MTIF2: variants seen among roughly 807,000 people sequenced by gnomAD.
MTIF2 encodes mitochondrial translational initiation factor 2.
A neutral mutation model predicts 83.5 loss-of-function variants in MTIF2; 71 were observed. That is an observed-to-expected ratio of 0.85 (90% CI 0.70 to 1.04). The LOEUF is 1.04. Among genes scored for constraint, MTIF2 ranks in the 50% least tolerant of loss-of-function variants. The pLI is 0.00. For missense variants in MTIF2, 957 were observed against 846.5 expected (o/e 1.13, Z -1.62); for synonymous variants, 319 against 287.1 (o/e 1.11, Z -1.12).
intron 14 of MTIF2, among the ~76,000 whole-genome samples, chr2:55,239,184 T>G (rs1259049988): frequency 6.6e-6 from 1 of 152,236 alleles, no homozygotes; most frequent in Non-Finnish European, 1.5e-5. Flanking sequence ...AATGTGAATA[T>G]GGACTGTGTA....
intron 5 of MTIF2, among the ~76,000 whole-genome samples, chr2:55,258,406 C>A (rs1225227806): frequency 1.3e-5 from 2 of 152,204 alleles, no homozygotes; most frequent in African/African-American, 2.4e-5. Context: ...TAGTGGCTCA[C>A]ACCTGTAATC....
At chr2:55,254,409 G>C (rs952014991) in intron 6 of MTIF2, among the ~76,000 whole-genome samples, 40 of 152,202 alleles carry the variant, frequency 2.6e-4, no homozygotes, top group African/African-American at 9.2e-4. Flanking sequence ...ATAACAATGA[G>C]CAGAACTGAA....
chr2:55,267,039 G>C (rs559239924), intron 3 of MTIF2, among the ~76,000 whole-genome samples: 2 of 151,972 alleles, frequency 1.3e-5, no homozygotes, highest in Admixed American at 1.3e-4. Context: ...CAAAGTGCTG[G>C]GATTACAGGC....
intron 5 of MTIF2, among the ~76,000 whole-genome samples, chr2:55,257,892 C>T (rs1677667565): frequency 6.6e-6 from 1 of 152,106 alleles, no homozygotes; most frequent in Admixed American, 6.5e-5. Context: ...GCCTCCCAGG[C>T]AGTCCTCCCA....
At chr2:55,265,209 C>G (rs930407337) in intron 3 of MTIF2, among the ~76,000 whole-genome samples, 2 of 149,594 alleles carry the variant, frequency 1.3e-5, no homozygotes, top group African/African-American at 4.9e-5. Flanking sequence ...TGCCATTGCA[C>G]TCTAGCCTGG....
intron 15 of MTIF2, 116 bp downstream of exon 15, chr2:55,237,172 G>C: frequency 2.5e-6 from 3 of 1,200,948 alleles, no homozygotes; most frequent in Non-Finnish European, 3.5e-6. Context: ...ATAGCAATAA[G>C]AAATGGCCTG....
intron 7 of MTIF2, among the ~76,000 whole-genome samples, chr2:55,253,126 G>A (rs183110425): frequency 1.1e-4 from 16 of 152,220 alleles, no homozygotes; most frequent in African/African-American, 3.1e-4. Context: ...TGCTTAACTC[G>A]AAGAAGTATC....
intron 8 of MTIF2, 87 bp downstream of exon 8, chr2:55,252,387 GGAT>G: frequency 9.0e-7 from 1 of 1,105,862 alleles, no homozygotes; most frequent in Non-Finnish European, 1.3e-6. Flanking sequence ...AATAACTCTG[GGAT>G]TGTTGTGAAG....
chr2:55,238,292 C>T (rs543453512), intron 14 of MTIF2, among the ~76,000 whole-genome samples: 73 of 152,162 alleles, frequency 4.8e-4, no homozygotes, highest in African/African-American at 1.7e-3. Context: ...CCTCGGATGA[C>T]ACGCTTGAGC....
At chr2:55,254,859 T>C (rs181134208) in intron 5 of MTIF2, 34 bp from the exon 6 acceptor site, 58 of 1,346,730 alleles carry the variant, frequency 4.3e-5, no homozygotes, top group South Asian at 2.4e-4. Flanking sequence ...TTTAGGATCA[T>C]TAATTAAATG....
chr2:55,249,572 C>T (rs1676945841), intron 8 of MTIF2, 38 bp from the exon 9 acceptor site: 1 of 1,533,622 alleles, frequency 6.5e-7, no homozygotes. Context: ...AAAATGATGA[C>T]ACCTTCAATT....
Position 55,246,459 on chromosome 2 carries a change from G to T in MTIF2, c.984C>A (p.Gly328=). The change falls in exon 10 of 16, where the codon GGC becomes GGA. Residue 328 remains glycine, a splice_region_variant and synonymous_variant. Transcript: ENST00000263629. ...VQAVPVSALT[G]DNLMALAEAT... The stretch of plus-strand genomic sequence containing the variant: ...CTTCTGCCAAAGCCATCAGATTATC[G>T]CCCTTTAACAATAACAAACGTTGTT... The T allele has an allele frequency of 6.2e-7, 1 of 1,612,814 alleles. No homozygotes were observed. The highest frequency in any genetic ancestry group is 8.5e-7 in the Non-Finnish European group (1 of 1,179,176).
At chr2:55,249,587 G>C in intron 8 of MTIF2, 53 bp from the exon 9 acceptor site, 1 of 1,588,062 alleles carries the variant, frequency 6.3e-7, no homozygotes, top group Non-Finnish European at 8.6e-7. Context: ...TCAATTCCAG[G>C]TATTCACAGT....
At position 55,243,469 on chromosome 2, in the gene MTIF2, T is replaced by C. The variant is rs1418788655; in HGVS notation, c.1511A>G (p.Lys504Arg). The change falls in exon 12 of 16, where the codon AAG becomes AGG. Residue 504 changes from lysine to arginine, a missense_variant. Around this residue, in one of 3 missense-constraint regions of MTIF2, gnomAD observed 733 missense variants for 648.7 expected, o/e 1.13. Transcript: ENST00000263629. ...ATCTCTTTCCCTTTTCTCTTTTGGC[T>C]TTAAGGGTATTTGTTCTTTTCTTTC... ...FLERKEQIPL[K>R]PKEKRERDSN... 3 of 1,613,580 alleles carry C rather than the reference T, an allele frequency of 1.9e-6. No individual in the cohort carries two copies. The highest frequency in any genetic ancestry group is 2.5e-6 in the Non-Finnish European group (3 of 1,179,584).
chr2:55,240,533 C>A (rs924573387), intron 13 of MTIF2, among the ~76,000 whole-genome samples: 1 of 151,940 alleles, frequency 6.6e-6, no homozygotes, highest in African/African-American at 2.4e-5. Flanking sequence ...GAGCTGAGAT[C>A]GCGCCACTGC....
At chr2:55,242,869 C>A in intron 13 of MTIF2, 71 bp downstream of exon 13, 1 of 1,493,354 alleles carries the variant, frequency 6.7e-7, no homozygotes, top group Non-Finnish European at 9.0e-7. Flanking sequence ...AGCCAAGCAA[C>A]AAAAGACAGA....
In MTIF2 at chr2:55,240,139, A is replaced by G. The variant is rs192676171; in HGVS notation, c.1742T>C (p.Val581Ala). The G allele has an allele frequency of 1.6e-5, 26 of 1,614,002 alleles. No individual in the cohort carries two copies. Among genetic ancestry groups the G allele is most frequent in the Non-Finnish European group, 2.5e-6 (3 of 1,179,914 alleles). ...IYGFNVNAGNVIQQSAAKKGV... is the reference protein window; with the variant it reads ...IYGFNVNAGNAIQQSAAKKGV... ...TTTTTTTGCAGCTGACTGTTGGATA[A>G]CATTGCCTGCATTCACATTAAAGCC... Residue 581 changes from valine (V) to alanine (A), a missense_variant, in exon 14 of 16, where the codon GTT becomes GCT. By Grantham distance (64) the Val-to-Ala change is moderately conservative (BLOSUM62 0). This residue lies in a region of MTIF2 where 221 missense variants were observed against 180.6 expected (regional missense o/e 1.22). Coordinates refer to ENST00000263629, the MANE Select transcript of MTIF2 (RefSeq NM_002453.3).
intron 2 of MTIF2, among the ~76,000 whole-genome samples, chr2:55,268,145 T>G (rs1678575908): frequency 6.6e-6 from 1 of 151,574 alleles, no homozygotes; most frequent in African/African-American, 2.4e-5. Context: ...CCCAGCGACT[T>G]GGGAGGCTGA....
intron 14 of MTIF2, among the ~76,000 whole-genome samples, chr2:55,239,194 A>G (rs1034878133): frequency 2.0e-5 from 3 of 152,236 alleles, no homozygotes; most frequent in African/African-American, 7.2e-5. Flanking sequence ...TGGACTGTGT[A>G]TTAGATAAGA....
Sources: gnomAD v4.1 joint callset for allele counts (sites outside exome capture counted in the v4.1 genomes callset) on GRCh38, gnomAD v4.1.1 for gene constraint, gnomAD v4.1.1 regional missense constraint, MANE v1.5 for transcripts, NCBI Gene and HGNC (gene_info 2026-07-23, HGNC 2026-07-21) for gene names.